The following LTBP1 variants were observed in gnomAD, a reference collection of about 807,000 sequenced individuals.
LTBP1 encodes latent-transforming growth factor beta-binding protein 1.
In LTBP1, 129 loss-of-function variants were observed where a neutral mutation model predicts 207.6. The observed-to-expected ratio is 0.62, with a 90% CI of 0.54 to 0.72. The LOEUF (loss-of-function observed/expected upper bound fraction) is 0.72, where lower values mean the gene tolerates loss of function less well. LTBP1 is among the 30% of genes least tolerant of loss of function. The pLI is 0.00. For missense variants in LTBP1, 2,281 were observed against 2,217.2 expected, an observed-to-expected ratio of 1.03 and a Z score of -0.58; for synonymous variants, 963 against 833.7, an observed-to-expected ratio of 1.16 and a Z score of -2.67.
intron 2 of LTBP1, among the ~76,000 whole-genome samples, chr2:32,961,928 A>G (rs1194102888): frequency 2.0e-5 from 3 of 149,410 alleles, no homozygotes; most frequent in Non-Finnish European, 4.4e-5. Flanking sequence ...CTGGGCAACA[A>G]TAGTGAAACT....
At chr2:33,046,869 T>C (rs975629924) in intron 3 of LTBP1, among the ~76,000 whole-genome samples, 1 of 152,162 alleles carries the variant, frequency 6.6e-6, no homozygotes, top group Non-Finnish European at 1.5e-5. Context: ...GAATTCATAT[T>C]TCTTCTAGAT....
intron 2 of LTBP1, among the ~76,000 whole-genome samples, chr2:33,010,845 G>A (rs1337643106): frequency 2.7e-5 from 4 of 150,598 alleles, no homozygotes; most frequent in East Asian, 2.0e-4. Context: ...TCAGCCTCCC[G>A]AGTAGCTGGG....
chr2:33,106,861 T>A (rs2080094298), intron 3 of LTBP1, among the ~76,000 whole-genome samples: 1 of 152,240 alleles, frequency 6.6e-6, no homozygotes, highest in Admixed American at 6.5e-5. Flanking sequence ...GGCATTGACT[T>A]CTTCTCCCTT....
chr2:33,039,157 A>T (rs746301672), intron 3 of LTBP1, among the ~76,000 whole-genome samples: 1 of 151,440 alleles, frequency 6.6e-6, no homozygotes, highest in Non-Finnish European at 1.5e-5. Context: ...TTATAATCCC[A>T]CTCTTCTCTT....
At chr2:33,055,145 C>T (rs1424314765) in intron 3 of LTBP1, among the ~76,000 whole-genome samples, 3 of 152,168 alleles carry the variant, frequency 2.0e-5, no homozygotes, top group East Asian at 1.9e-4. Flanking sequence ...TATTATAGAA[C>T]ACCGAGGTTG....
intron 7 of LTBP1, among the ~76,000 whole-genome samples, chr2:33,199,867 C>G (rs1382102967): frequency 6.6e-6 from 1 of 152,176 alleles, no homozygotes; most frequent in African/African-American, 2.4e-5. Flanking sequence ...AGTGAACTCC[C>G]ATTCACAATT....
At chr2:33,294,133 G>A (rs192282512) in intron 20 of LTBP1, among the ~76,000 whole-genome samples, 91 of 150,372 alleles carry the variant, frequency 6.1e-4, no homozygotes, top group African/African-American at 2.2e-3. Flanking sequence ...AGCCTCCCGA[G>A]TAGCTGGGAT....
In LTBP1 at chr2:33,363,532, G is replaced by A; in HGVS notation, c.4399+14G>A. On this transcript the variant is annotated intron_variant, in intron 29 of 33. Coordinates refer to ENST00000404816, the MANE Select transcript of LTBP1 (RefSeq NM_206943.4). ...TGCAGTGCTTTGGTAAGCTTTAGGG[G>A]GATATAGTATGGTGTACTGTGAAAA... 6.2e-7 allele frequency: 1 copy of A among 1,612,648 alleles called. No individual in the cohort carries two copies. Among genetic ancestry groups the A allele is most frequent in the Admixed American group, 1.7e-5 (1 of 59,928 alleles).
intron 4 of LTBP1, among the ~76,000 whole-genome samples, chr2:33,120,164 A>G (rs894297259): frequency 6.6e-6 from 1 of 152,224 alleles, no homozygotes; most frequent in Non-Finnish European, 1.5e-5. Flanking sequence ...ATACACACAT[A>G]TATTCAATCA....
At chr2:33,022,393 C>T (rs1488316932) in intron 3 of LTBP1, among the ~76,000 whole-genome samples, 1 of 151,518 alleles carries the variant, frequency 6.6e-6, no homozygotes, top group East Asian at 1.9e-4. Context: ...TTGGAAAACA[C>T]ATTCTGCAGC....
intron 5 of LTBP1, among the ~76,000 whole-genome samples, chr2:33,159,593 C>T (rs995760641): frequency 6.6e-6 from 1 of 152,230 alleles, no homozygotes; most frequent in Non-Finnish European, 1.5e-5. Flanking sequence ...CCTAGTGAAG[C>T]TGCTTATTTC....
At chr2:33,345,081 T>C (rs929853779) in intron 25 of LTBP1, among the ~76,000 whole-genome samples, 2 of 152,216 alleles carry the variant, frequency 1.3e-5, no homozygotes, top group African/African-American at 4.8e-5. Context: ...AAATATTTAC[T>C]AAGCACCTAT....
At chr2:33,220,724 G>T (rs538197913) in intron 8 of LTBP1, among the ~76,000 whole-genome samples, 1 of 152,210 alleles carries the variant, frequency 6.6e-6, no homozygotes, top group Non-Finnish European at 1.5e-5. Context: ...TCTGCAGGAT[G>T]CCTGCTCTAG....
At chr2:33,055,090 T>C (rs1417938745) in intron 3 of LTBP1, among the ~76,000 whole-genome samples, 1 of 152,172 alleles carries the variant, frequency 6.6e-6, no homozygotes, top group Non-Finnish European at 1.5e-5. Context: ...GCTGCAGCCT[T>C]TCTCTGATCT....
chr2:33,043,771 G>A (rs2076309490), intron 3 of LTBP1, among the ~76,000 whole-genome samples: 1 of 152,166 alleles, frequency 6.6e-6, no homozygotes, highest in Non-Finnish European at 1.5e-5. Flanking sequence ...TAACATTTTG[G>A]GAAATTTATC....
intron 10 of LTBP1, among the ~76,000 whole-genome samples, chr2:33,245,534 G>C (rs1383380799): frequency 6.6e-6 from 1 of 152,148 alleles, no homozygotes; most frequent in African/African-American, 2.4e-5. Flanking sequence ...AAACAGTTCT[G>C]ATCATGAAGC....
chr2:33,012,405 C>T (rs1038543498), intron 2 of LTBP1, among the ~76,000 whole-genome samples: 1 of 152,310 alleles, frequency 6.6e-6, no homozygotes, highest in East Asian at 1.9e-4. Context: ...CTCTCAGGCT[C>T]GGTAGTAGCT....
intron 3 of LTBP1, among the ~76,000 whole-genome samples, chr2:33,064,752 C>A (rs1170695557): frequency 1.3e-5 from 2 of 152,246 alleles, no homozygotes; most frequent in East Asian, 3.9e-4. Context: ...AAAAGACAGG[C>A]CAGAAGAAAA....
intron 2 of LTBP1, among the ~76,000 whole-genome samples, chr2:33,009,873 G>A (rs1033744261): frequency 6.6e-6 from 1 of 152,200 alleles, no homozygotes; most frequent in African/African-American, 2.4e-5. Flanking sequence ...CCCACATGGA[G>A]GCATCGATGA....
Sources: gnomAD v4.1 joint callset for allele counts (sites outside exome capture counted in the v4.1 genomes callset) on GRCh38, gnomAD v4.1.1 for gene constraint, MANE v1.5 for transcripts, NCBI Gene and HGNC (gene_info 2026-07-23, HGNC 2026-07-21) for gene names.